RBFOX1: variants seen among roughly 807,000 people sequenced by gnomAD.
The protein encoded by RBFOX1 is RNA binding fox-1 homolog 1.
In RBFOX1, 8 loss-of-function variants were observed where a neutral mutation model predicts 57.7. The ratio of observed to expected loss-of-function variants is 0.14; its 90% confidence interval spans 0.08 to 0.25. The LOEUF (loss-of-function observed/expected upper bound fraction) is 0.25, where lower values mean the gene tolerates loss of function less well. RBFOX1 is among the 10% of genes least tolerant of loss of function. The pLI, the probability that RBFOX1 is intolerant of heterozygous loss-of-function variation, is 1.00. For missense variants in RBFOX1, 611 were observed against 548.5 expected, an observed-to-expected ratio of 1.11 and a Z score of -1.14; for synonymous variants, 326 against 222.4, an observed-to-expected ratio of 1.47 and a Z score of -4.15.
chr16:5,654,039 T>C (rs950987860), intron 3 of RBFOX1, among the ~76,000 whole-genome samples: 5 of 152,220 alleles, frequency 3.3e-5, no homozygotes, highest in Non-Finnish European at 4.4e-5. Flanking sequence ...TTGATAAGCC[T>C]GATGTCAAGA....
At chr16:5,662,349 T>G (rs2049682533) in intron 3 of RBFOX1, among the ~76,000 whole-genome samples, 1 of 152,130 alleles carries the variant, frequency 6.6e-6, no homozygotes, top group Non-Finnish European at 1.5e-5. Flanking sequence ...TACTAGAAAT[T>G]AAAATGAGAA....
intron 3 of RBFOX1, among the ~76,000 whole-genome samples, chr16:5,765,961 A>C (rs918416257): frequency 1.3e-5 from 2 of 152,042 alleles, no homozygotes; most frequent in Admixed American, 1.3e-4. Flanking sequence ...TGCTGTTGCC[A>C]TCTTTGTCTC....
intron 4 of RBFOX1, among the ~76,000 whole-genome samples, chr16:5,871,762 TG>T (rs2151904319): frequency 6.6e-6 from 1 of 152,334 alleles, no homozygotes; most frequent in Non-Finnish European, 1.5e-5. Context: ...ACTTACCAGT[TG>T]GTTTCTTGCC....
chr16:6,366,616 T>C (rs1360156456), intron 2 of RBFOX1, among the ~76,000 whole-genome samples: 5 of 152,248 alleles, frequency 3.3e-5, no homozygotes, highest in African/African-American at 1.2e-4. Flanking sequence ...AAATAATAAC[T>C]ACTTACCATG....
chr16:6,616,601 G>A (rs2098144113), intron 2 of RBFOX1, among the ~76,000 whole-genome samples: 1 of 152,314 alleles, frequency 6.6e-6, no homozygotes, highest in African/African-American at 2.4e-5. Context: ...GCATGAACCT[G>A]GAGGCGGAGC....
At chr16:6,648,520 A>T (rs2098551855) in intron 2 of RBFOX1, among the ~76,000 whole-genome samples, 1 of 152,142 alleles carries the variant, frequency 6.6e-6, no homozygotes, top group Non-Finnish European at 1.5e-5. Flanking sequence ...GTCTAATGCC[A>T]GGAGTCTAAT....
intron 3 of RBFOX1, among the ~76,000 whole-genome samples, chr16:6,837,744 T>C (rs1312657224): frequency 6.6e-6 from 1 of 152,246 alleles, no homozygotes; most frequent in Non-Finnish European, 1.5e-5. Context: ...TATCTTTAAA[T>C]GTCCATGAAT....
intron 2 of RBFOX1, among the ~76,000 whole-genome samples, chr16:6,484,366 T>G (rs1228574999): frequency 2.0e-5 from 3 of 152,156 alleles, no homozygotes; most frequent in African/African-American, 7.2e-5. Flanking sequence ...GCTGGTGTAC[T>G]CTTCATCTTC....
At chr16:7,081,637 G>A (rs1450518771) in intron 4 of RBFOX1, among the ~76,000 whole-genome samples, 1 of 152,132 alleles carries the variant, frequency 6.6e-6, no homozygotes, top group East Asian at 1.9e-4. Context: ...CACTACACCT[G>A]TGTTGTATAT....
At chr16:6,958,241 C>T (rs555627150) in intron 3 of RBFOX1, among the ~76,000 whole-genome samples, 4 of 152,280 alleles carry the variant, frequency 2.6e-5, no homozygotes, top group African/African-American at 9.6e-5. Flanking sequence ...GAGCCCTGCA[C>T]GATGCAGCCG....
chr16:7,013,177 C>T (rs760224243), intron 3 of RBFOX1, among the ~76,000 whole-genome samples: 1 of 152,178 alleles, frequency 6.6e-6, no homozygotes, highest in African/African-American at 2.4e-5. Context: ...CTCTGATACT[C>T]ATTGGCTTTG....
chr16:7,077,867 A>T (rs909981176), intron 4 of RBFOX1, among the ~76,000 whole-genome samples: 1 of 152,164 alleles, frequency 6.6e-6, no homozygotes, highest in Non-Finnish European at 1.5e-5. Context: ...TCCATTAGCT[A>T]CTTTGTATCC....
intron 4 of RBFOX1, among the ~76,000 whole-genome samples, chr16:5,932,448 G>A (rs375925850): frequency 6.6e-6 from 1 of 152,232 alleles, no homozygotes; most frequent in African/African-American, 2.4e-5. Flanking sequence ...CAGCAAGGTC[G>A]ACAGTTTGAT....
chr16:6,449,285 G>T (rs1438776215), intron 2 of RBFOX1, among the ~76,000 whole-genome samples: 1 of 152,182 alleles, frequency 6.6e-6, no homozygotes, highest in Admixed American at 6.5e-5. Flanking sequence ...AATCATGCTT[G>T]CTCGTTTCTC....
chr16:5,287,756 A>G (rs1450172373), intron 1 of RBFOX1, among the ~76,000 whole-genome samples: 3 of 152,198 alleles, frequency 2.0e-5, no homozygotes, highest in Admixed American at 6.5e-5. Flanking sequence ...GTTTTTGGTC[A>G]TGCAGATTAA....
At chr16:7,685,945 T>G (rs762202398) in intron 14 of RBFOX1, among the ~76,000 whole-genome samples, 3 of 152,080 alleles carry the variant, frequency 2.0e-5, no homozygotes, top group Admixed American at 6.6e-5. Flanking sequence ...GGGTCCTGAA[T>G]CTCTGTGAGG....
At chr16:5,357,141 T>C (rs1342554351) in intron 1 of RBFOX1, among the ~76,000 whole-genome samples, 4 of 152,196 alleles carry the variant, frequency 2.6e-5, no homozygotes, top group Non-Finnish European at 2.9e-5. Flanking sequence ...GTGCACCTCT[T>C]GGGCTCACTG....
chr16:6,396,898 G>GAATT (rs2092860230), intron 2 of RBFOX1, among the ~76,000 whole-genome samples: 1 of 152,096 alleles, frequency 6.6e-6, no homozygotes, highest in Non-Finnish European at 1.5e-5. Context: ...GAAAATTTTA[G>GAATT]AATTACAAAT....
At position 7,029,741 on chromosome 16, in the gene RBFOX1, A is replaced by G. The variant is rs192985672; in HGVS notation, c.-15-22316A>G. 4.0e-3 allele frequency among the ~76,000 whole-genome samples: 605 copies of G among 152,310 alleles called. 3 individuals carry two copies. The highest frequency in any genetic ancestry group is 6.9e-3 in the Non-Finnish European group (466 of 68,024). Reference sequence around the variant, plus strand: ...GGTAGCATCTCATGGTGTAACCACTATTAATGGTTCACTTGTTCAATGATT... The same window carrying G: ...GGTAGCATCTCATGGTGTAACCACTGTTAATGGTTCACTTGTTCAATGATT... On this transcript the variant is annotated intron_variant, in intron 3 of 15. Coordinates refer to ENST00000550418, the MANE Select transcript of RBFOX1 (RefSeq NM_018723.4).
Sources: allele counts gnomAD v4.1 joint callset (sites outside exome capture counted in the v4.1 genomes callset), GRCh38; gene constraint gnomAD v4.1.1; transcripts MANE v1.5; gene names NCBI Gene and HGNC (gene_info 2026-07-23, HGNC 2026-07-21).